Variants in SAMMSON observed in about 807,000 individuals in gnomAD.
SAMMSON encodes the protein survival associated mitochondrial melanoma specific oncogenic non-coding RNA.
intron 2 of SAMMSON, among the ~76,000 whole-genome samples, chr3:70,401,390 T>G (rs1413821421): frequency 6.6e-6 from 1 of 152,198 alleles, no homozygotes; most frequent in Non-Finnish European, 1.5e-5. Context: ...GGCCTCTACC[T>G]TACTCTTACA....
chr3:70,126,748 C>G (rs1320824249), intron 4 of SAMMSON: 2 of 246,352 alleles, frequency 8.1e-6, no homozygotes, highest in Admixed American at 1.0e-4. Context: ...TGGAATCTTG[C>G]TCTGTTGCCT....
intron 2 of SAMMSON, among the ~76,000 whole-genome samples, chr3:70,420,885 C>G (rs1298925911): frequency 6.6e-6 from 1 of 151,940 alleles, no homozygotes; most frequent in Non-Finnish European, 1.5e-5. Context: ...TAGAGTGGCT[C>G]TACAGATAAC....
At chr3:70,395,605 G>A (rs1411086974) in intron 2 of SAMMSON, among the ~76,000 whole-genome samples, 1 of 152,046 alleles carries the variant, frequency 6.6e-6, no homozygotes, top group Non-Finnish European at 1.5e-5. Flanking sequence ...ATCTACTTGA[G>A]GGCTTGTTGT....
chr3:70,275,153 T>G (rs1702011012), intron 6 of SAMMSON, among the ~76,000 whole-genome samples: 1 of 152,222 alleles, frequency 6.6e-6, no homozygotes, highest in Non-Finnish European at 1.5e-5. Context: ...ATTAGAATTT[T>G]AACTTATAAA....
At chr3:70,090,347 G>T (rs1050562738) in intron 4 of SAMMSON, among the ~76,000 whole-genome samples, 2 of 152,122 alleles carry the variant, frequency 1.3e-5, no homozygotes, top group Non-Finnish European at 2.9e-5. Context: ...TAGGTTAATT[G>T]GTTCAGAGAC....
At chr3:70,035,348 C>G (rs545016335) in intron 3 of SAMMSON, among the ~76,000 whole-genome samples, 1 of 150,824 alleles carries the variant, frequency 6.6e-6, no homozygotes, top group African/African-American at 2.5e-5. Context: ...CTAGAGAAAA[C>G]ACTCTTTTAT....
intron 6 of SAMMSON, among the ~76,000 whole-genome samples, chr3:70,286,334 G>GT (rs1448959233): frequency 1.3e-5 from 2 of 152,072 alleles, no homozygotes; most frequent in Non-Finnish European, 2.9e-5. Context: ...CCCATTTCTT[G>GT]TTTTTGTCAG....
chr3:70,180,805 A>T (rs1159039925), intron 4 of SAMMSON, among the ~76,000 whole-genome samples: 2 of 152,170 alleles, frequency 1.3e-5, no homozygotes, highest in Admixed American at 1.3e-4. Flanking sequence ...TTACAGATTC[A>T]ATTAAGTGCT....
chr3:70,244,295 C>T (rs1054028754), intron 4 of SAMMSON, among the ~76,000 whole-genome samples: 6 of 152,110 alleles, frequency 3.9e-5, no homozygotes, highest in African/African-American at 9.7e-5. Flanking sequence ...GAAATGCTGC[C>T]GACCACTGCA....
downstream of SAMMSON, among the ~76,000 whole-genome samples, chr3:70,391,834 A>G (rs1339178288): frequency 6.6e-6 from 1 of 152,172 alleles, no homozygotes; most frequent in East Asian, 1.9e-4. Context: ...CATCATGGCA[A>G]TATCTATAGT....
intron 6 of SAMMSON, among the ~76,000 whole-genome samples, chr3:70,278,200 ATCTAACTT>A (rs566196666): frequency 1.4e-4 from 22 of 152,106 alleles, no homozygotes; most frequent in Non-Finnish European, 2.8e-4. Context: ...TTTTATTTAT[ATCTAACTT>A]TATTTGTCCA....
chr3:70,087,056 A>G (rs745999105), intron 4 of SAMMSON, among the ~76,000 whole-genome samples: 1 of 152,174 alleles, frequency 6.6e-6, no homozygotes, highest in African/African-American at 2.4e-5. Context: ...GAAAGATGCC[A>G]TCTCTGAGCT....
intron 7 of SAMMSON, among the ~76,000 whole-genome samples, chr3:70,345,040 A>G (rs761844669): frequency 6.6e-6 from 1 of 152,244 alleles, no homozygotes; most frequent in Non-Finnish European, 1.5e-5. Flanking sequence ...ACTAACTCAT[A>G]TAAATATAAA....
intron 4 of SAMMSON, among the ~76,000 whole-genome samples, chr3:70,192,639 G>C (rs1701139641): frequency 6.6e-6 from 1 of 152,180 alleles, no homozygotes; most frequent in African/African-American, 2.4e-5. Context: ...TCAAAACGTG[G>C]AGTCTTTAGA....
chr3:70,027,158 C>T (rs570918053), intron 3 of SAMMSON, among the ~76,000 whole-genome samples: 9 of 152,166 alleles, frequency 5.9e-5, no homozygotes, highest in East Asian at 3.9e-4. Context: ...TGATTTATTT[C>T]GGTAGTTAGC....
At chr3:70,261,060 T>C (rs2106661417) in intron 6 of SAMMSON, among the ~76,000 whole-genome samples, 1 of 152,310 alleles carries the variant, frequency 6.6e-6, no homozygotes, top group Non-Finnish European at 1.5e-5. Context: ...AGTAAGAATA[T>C]AAGCACTTCA....
intron 4 of SAMMSON, among the ~76,000 whole-genome samples, chr3:70,171,259 T>G (rs1174858308): frequency 6.6e-6 from 1 of 151,842 alleles, no homozygotes; most frequent in Admixed American, 6.6e-5. Flanking sequence ...GTGGAATTTG[T>G]CTATCAAAGT....
chr3:70,234,374 C>T (rs1225044953), intron 4 of SAMMSON, among the ~76,000 whole-genome samples: 1 of 152,176 alleles, frequency 6.6e-6, no homozygotes, highest in Non-Finnish European at 1.5e-5. Context: ...CTAGGCTAGG[C>T]ACAGTGGCTC....
chr3:70,251,724 A>C lies in SAMMSON; in HGVS notation n.674+2054A>C, dbSNP rs149137284. Among the ~76,000 whole-genome samples the C allele has an allele frequency of 4.3e-3, 653 of 152,284 alleles. 8 individuals carry two copies. The highest frequency in any genetic ancestry group is 0.013 in the African/African-American group (560 of 41,560). On this transcript the variant is annotated intron_variant and non_coding_transcript_variant, in intron 6 of 9. Transcript: ENST00000642114. ...ATTACTTTTGCCCCAACCTAATACC[A>C]TACCTAAGTAGTTGCTCGTCTAAGG...
Sources: gnomAD v4.1 joint callset for allele counts (sites outside exome capture counted in the v4.1 genomes callset) on GRCh38, gnomAD v4.1.1 for gene constraint, MANE v1.5 for transcripts, NCBI Gene and HGNC (gene_info 2026-07-23, HGNC 2026-07-21) for gene names.